The following SNTG2 variants were observed in gnomAD, a reference collection of about 807,000 sequenced individuals.
SNTG2 encodes gamma-2-syntrophin.
Under a neutral mutation model 70.9 loss-of-function variants are expected in SNTG2, and 74 were observed. The ratio of observed to expected loss-of-function variants is 1.04; its 90% CI spans 0.86 to 1.27. SNTG2 has a LOEUF of 1.27. SNTG2 is among the 50% of genes most tolerant of loss of function. The pLI is 0.00. For missense variants in SNTG2, 717 were observed against 690.7 expected (o/e 1.04, Z -0.43); for synonymous variants, 278 against 273.8 (o/e 1.02, Z -0.15).
chr2:1,256,956 ACTT>A (rs201017570), intron 12 of SNTG2, among the ~76,000 whole-genome samples: 12,513 of 136,878 alleles, frequency 0.091, 546 homozygotes, highest in South Asian at 0.17. Context: ...AGAAAGACCC[ACTT>A]CTTCTTTTTT....
chr2:1,134,907 A>G (rs1234694417), intron 4 of SNTG2, among the ~76,000 whole-genome samples: 1 of 151,812 alleles, frequency 6.6e-6, no homozygotes, highest in Non-Finnish European at 1.5e-5. Flanking sequence ...ATCAAGCGCA[A>G]CACCGGTGGG....
intron 4 of SNTG2, among the ~76,000 whole-genome samples, chr2:1,133,918 G>A (rs1022010104): frequency 2.0e-5 from 3 of 150,986 alleles, no homozygotes; most frequent in Non-Finnish European, 4.4e-5. Context: ...GGACCCTCGC[G>A]GTGAGTGTTA....
chr2:1,340,737 T>C (rs1660042838), intron 16 of SNTG2, among the ~76,000 whole-genome samples: 1 of 152,252 alleles, frequency 6.6e-6, no homozygotes, highest in South Asian at 2.1e-4. Flanking sequence ...CTAGGTTTGC[T>C]ATTATTTCAC....
intron 16 of SNTG2, among the ~76,000 whole-genome samples, chr2:1,318,702 T>A (rs542733645): frequency 1.4e-3 from 216 of 152,334 alleles, no homozygotes; most frequent in African/African-American, 5.0e-3. Context: ...TGGATGTGAA[T>A]GGATCAGGGA....
chr2:1,296,440 GC>G (rs1166125608), intron 14 of SNTG2, among the ~76,000 whole-genome samples: 1 of 152,230 alleles, frequency 6.6e-6, no homozygotes, highest in African/African-American at 2.4e-5. Context: ...CAGCCTCTGT[GC>G]TGGTGAGCAC....
intron 1 of SNTG2, among the ~76,000 whole-genome samples, chr2:962,492 C>T (rs1248512204): frequency 2.6e-5 from 4 of 152,184 alleles, no homozygotes; most frequent in Non-Finnish European, 4.4e-5. Context: ...TTGTGTCCTT[C>T]GCTGTATCCA....
intron 6 of SNTG2, among the ~76,000 whole-genome samples, chr2:1,162,448 T>C (rs146628291): frequency 3.3e-5 from 5 of 152,298 alleles, no homozygotes; most frequent in African/African-American, 1.2e-4. Context: ...AATCTCAAAC[T>C]GCTCTTGTCC....
chr2:981,947 C>T (rs1310821804), intron 1 of SNTG2, among the ~76,000 whole-genome samples: 2 of 152,214 alleles, frequency 1.3e-5, no homozygotes, highest in Non-Finnish European at 2.9e-5. Flanking sequence ...CATGAACACA[C>T]ATGTCCACAC....
At chr2:1,280,090 A>C (rs1033094461) in intron 14 of SNTG2, among the ~76,000 whole-genome samples, 17 of 152,242 alleles carry the variant, frequency 1.1e-4, no homozygotes, top group Non-Finnish European at 1.8e-4. Flanking sequence ...ATTTTCAAAA[A>C]AATCTTTTTT....
intron 11 of SNTG2, among the ~76,000 whole-genome samples, chr2:1,245,250 T>G (rs192292556): frequency 1.3e-5 from 2 of 150,480 alleles, no homozygotes; most frequent in African/African-American, 4.9e-5. Context: ...ACATGTACCC[T>G]AAAACTTAAA....
chr2:1,010,889 G>A (rs1044383875), intron 1 of SNTG2, among the ~76,000 whole-genome samples: 2 of 152,312 alleles, frequency 1.3e-5, no homozygotes, highest in East Asian at 1.9e-4. Context: ...CACTTACTGT[G>A]TAGGCCCTAG....
intron 8 of SNTG2, among the ~76,000 whole-genome samples, chr2:1,182,053 T>C (rs1391492159): frequency 6.6e-6 from 1 of 152,210 alleles, no homozygotes; most frequent in Non-Finnish European, 1.5e-5. Flanking sequence ...TTGGTTAGTG[T>C]GCAGCTTTCC....
chr2:1,284,718 C>T (rs762425272), intron 14 of SNTG2, among the ~76,000 whole-genome samples: 1 of 152,118 alleles, frequency 6.6e-6, no homozygotes, highest in East Asian at 1.9e-4. Flanking sequence ...TTAAAGCTGA[C>T]GTCAACTAAA....
chr2:977,986 T>C (rs1231806569), intron 1 of SNTG2, among the ~76,000 whole-genome samples: 1 of 152,246 alleles, frequency 6.6e-6, no homozygotes, highest in Admixed American at 6.5e-5. Flanking sequence ...TACGTATTGA[T>C]TTCATGAAGG....
At chr2:1,125,855 G>A (rs1667667700) in intron 4 of SNTG2, among the ~76,000 whole-genome samples, 1 of 152,058 alleles carries the variant, frequency 6.6e-6, no homozygotes, top group African/African-American at 2.4e-5. Context: ...ATAGGGTGAA[G>A]CTGTGTTTTT....
chr2:1,236,346 C>T (rs551333295), intron 9 of SNTG2, among the ~76,000 whole-genome samples: 3 of 152,198 alleles, frequency 2.0e-5, no homozygotes, highest in East Asian at 3.9e-4. Context: ...AAAGGCCCCA[C>T]GGGAAGCGAT....
chr2:1,091,368 TA>T (rs1665016397), intron 2 of SNTG2, among the ~76,000 whole-genome samples: 2 of 152,136 alleles, frequency 1.3e-5, no homozygotes, highest in Admixed American at 1.3e-4. Context: ...GAGGACAGCT[TA>T]GGGTGGAAAA....
chr2:1,209,353 T>C lies in SNTG2; in HGVS notation c.719+123T>C. 3 of 1,180,500 alleles carry C rather than the reference T, an allele frequency of 2.5e-6. No individual in the cohort carries two copies. In the South Asian group the frequency reaches 4.3e-5, roughly 17 times the overall value. The allele number at this position is 1,180,500 out of a possible 1,614,324, so 73.1% of individuals were successfully genotyped here. On this transcript the variant is annotated intron_variant, in intron 9 of 16. Coordinates refer to ENST00000308624, the MANE Select transcript of SNTG2 (RefSeq NM_018968.4). ...ACATTAGCAAGTGTGCGTGCTGTCTTCTGGTAGATTTAGCATTTGGAATAA... is the reference window on the plus strand; with the variant it reads ...ACATTAGCAAGTGTGCGTGCTGTCTCCTGGTAGATTTAGCATTTGGAATAA...
intron 1 of SNTG2, among the ~76,000 whole-genome samples, chr2:981,300 G>C (rs1439450494): frequency 6.6e-6 from 1 of 152,212 alleles, no homozygotes; most frequent in East Asian, 1.9e-4. Context: ...GGGCCCTGTT[G>C]ATTCACATGA....
Sources: allele counts gnomAD v4.1 joint callset (sites outside exome capture counted in the v4.1 genomes callset), GRCh38; gene constraint gnomAD v4.1.1; transcripts MANE v1.5; gene names NCBI Gene and HGNC (gene_info 2026-07-23, HGNC 2026-07-21).